The following CDON variants were observed in gnomAD, a reference collection of about 807,000 sequenced individuals.
CDON encodes cell adhesion associated, oncogene regulated.
In CDON, 73 loss-of-function variants were observed where a neutral mutation model predicts 120.9. That is an observed-to-expected ratio of 0.60 (90% confidence interval 0.50 to 0.73). The LOEUF (loss-of-function observed/expected upper bound fraction) is 0.73. Among genes scored for constraint, CDON ranks in the 30% least tolerant of loss-of-function variants. CDON has a pLI of 0.00. For missense variants in CDON, 1,470 were observed against 1,587.3 expected, an observed-to-expected ratio of 0.93 and a Z score of 1.26; for synonymous variants, 566 against 573.5, an observed-to-expected ratio of 0.99 and a Z score of 0.19.
chr11:125,994,026 C>A (rs1166788785), intron 14 of CDON, among the ~76,000 whole-genome samples: 1 of 152,086 alleles, frequency 6.6e-6, no homozygotes, highest in African/African-American at 2.4e-5. Context: ...AAACAGAAAT[C>A]AAAATTTTCT....
chr11:126,048,687 T>C (rs1471302826), intron 1 of CDON, among the ~76,000 whole-genome samples: 1 of 150,748 alleles, frequency 6.6e-6, no homozygotes, highest in Non-Finnish European at 1.5e-5. Context: ...TTCTCTAAAA[T>C]TTCAACAATT....
intron 7 of CDON, chr11:126,014,687 C>T (rs1373364750): frequency 6.5e-6 from 1 of 153,034 alleles, no homozygotes; most frequent in Admixed American, 6.5e-5. Context: ...CAAATTGTTA[C>T]AACTACACAA....
At chr11:126,055,581 A>C (rs928855632) in intron 1 of CDON, among the ~76,000 whole-genome samples, 4 of 152,228 alleles carry the variant, frequency 2.6e-5, no homozygotes, top group African/African-American at 9.6e-5. Context: ...CGTCTCTGAT[A>C]CCGGCCTTTC....
In CDON at chr11:125,983,998, T is replaced by C. The variant is rs146728346; in HGVS notation, c.2869A>G (p.Ser957Gly). 1 of 1,614,012 alleles carries C rather than the reference T, an allele frequency of 6.2e-7. No homozygotes were observed. Among genetic ancestry groups the C allele is most frequent in the African/African-American group, 1.3e-5 (1 of 74,932 alleles). Residue 957 changes from serine (S) to glycine (G), a missense_variant, in exon 16 of 20, where the codon AGC becomes GGC. Physicochemically the swap from Ser to Gly is moderately conservative, Grantham distance 56. Coordinates refer to ENST00000531738, the MANE Select transcript of CDON (RefSeq NM_001378964.1). Reference protein sequence around the residue: ...GSGGNVGPATSPARSSDMLYL... With the variant: ...GSGGNVGPATGPARSSDMLYL... ...AACATGTCACTGCTTCTGGCAGGGC[T>C]GGTTGCAGGCCCCACATTTCCTCCA...
intron 16 of CDON, among the ~76,000 whole-genome samples, chr11:125,981,782 G>GA (rs535059068): frequency 2.6e-5 from 4 of 151,836 alleles, no homozygotes; most frequent in Admixed American, 2.0e-4. Flanking sequence ...TCTAAGTGCT[G>GA]AAAAAAACTG....
At chr11:126,041,933 G>A (rs1565549996) in intron 1 of CDON, among the ~76,000 whole-genome samples, 1 of 152,162 alleles carries the variant, frequency 6.6e-6, no homozygotes, top group Non-Finnish European at 1.5e-5. Flanking sequence ...TGCCCAGGCT[G>A]GAGTGCAATG....
chr11:126,021,088 A>C (rs1391499955), intron 3 of CDON, among the ~76,000 whole-genome samples, 160 bp downstream of exon 3: 1 of 152,208 alleles, frequency 6.6e-6, no homozygotes, highest in African/African-American at 2.4e-5. Context: ...CAGAGGTCTA[A>C]GTGCACTTCC....
chr11:125,981,366 ACACACACGCACGCACACATGCACATACG>A (rs1565501199), intron 16 of CDON, 37 bp from the exon 17 acceptor site: 2 of 1,573,964 alleles, frequency 1.3e-6, no homozygotes, highest in East Asian at 4.5e-5. Context: ...ACACGCACAC[ACACACACGCACGCACACATGCACATACG>A]CACACACGCA....
At chr11:125,994,534 G>C (rs1946723904) in intron 13 of CDON, 145 bp from the exon 14 acceptor site, 1 of 662,664 alleles carries the variant, frequency 1.5e-6, no homozygotes, top group African/African-American at 1.8e-5. Flanking sequence ...TTACTTCAAA[G>C]GTATTAAAAG....
chr11:125,972,699 G>T (rs903394525), intron 18 of CDON, among the ~76,000 whole-genome samples: 2 of 152,120 alleles, frequency 1.3e-5, no homozygotes, highest in Admixed American at 1.3e-4. Context: ...TTTCTTAAAA[G>T]CTCACTCCAA....
Position 125,981,348 on chromosome 11 carries a change from AAAG to A in CDON, c.2996-22_2996-20del. On this transcript the variant is annotated intron_variant, in intron 16 of 19. Coordinates refer to ENST00000531738, the MANE Select transcript of CDON (RefSeq NM_001378964.1). The stretch of plus-strand genomic sequence containing the variant: ...TCATATTCTGTTAAAAGAGAACAAA[AAAG>A]ACACACACGCACACACACACACGCA... 6.2e-7 allele frequency: 1 copy of A among 1,607,200 alleles called. No individual in the cohort carries two copies. Among genetic ancestry groups the A allele is most frequent in the Non-Finnish European group, 8.5e-7 (1 of 1,179,554 alleles).
Position 125,998,403 on chromosome 11 carries a change from G to A in CDON, c.2159-993C>T, listed in dbSNP as rs573436499. On this transcript the variant is annotated intron_variant, in intron 11 of 19. Coordinates refer to ENST00000531738, the MANE Select transcript of CDON (RefSeq NM_001378964.1). Reference sequence around the variant, plus strand: ...AAGTTCTCGCTCTGTTGATTCACACGAGAGCTGGTGATTTAAAAGCATGTG... The same window carrying A: ...AAGTTCTCGCTCTGTTGATTCACACAAGAGCTGGTGATTTAAAAGCATGTG... Among the ~76,000 whole-genome samples the A allele has an allele frequency of 3.9e-5, 6 of 152,068 alleles. No homozygotes were observed. In the South Asian group the frequency reaches 1.0e-3, roughly 26 times the overall value.
intron 1 of CDON, among the ~76,000 whole-genome samples, chr11:126,053,059 C>T (rs1948604946): frequency 6.6e-6 from 1 of 152,076 alleles, no homozygotes; most frequent in Non-Finnish European, 1.5e-5. Context: ...ACTGTATTCA[C>T]AATTAGGTTT....
chr11:126,032,644 G>C (rs769603063), intron 1 of CDON, among the ~76,000 whole-genome samples: 3 of 152,174 alleles, frequency 2.0e-5, no homozygotes, highest in Non-Finnish European at 4.4e-5. Flanking sequence ...ACGGGGACCT[G>C]TACTGGAGAA....
chr11:125,980,993 T>C (rs1591560623), intron 17 of CDON, 56 bp downstream of exon 17: 1 of 1,564,612 alleles, frequency 6.4e-7, no homozygotes, highest in East Asian at 2.2e-5. Context: ...GTCCCTGTTC[T>C]AGTACTTGGC....
intron 15 of CDON, among the ~76,000 whole-genome samples, chr11:125,987,888 T>C (rs763826354): frequency 1.5e-4 from 23 of 152,218 alleles, no homozygotes; most frequent in Non-Finnish European, 2.6e-4. Context: ...GATGTGAGTA[T>C]TGCAGCAGAA....
At chr11:126,029,116 A>G (rs988155496) in intron 1 of CDON, among the ~76,000 whole-genome samples, 1 of 152,208 alleles carries the variant, frequency 6.6e-6, no homozygotes, top group Admixed American at 6.5e-5. Flanking sequence ...ACACTGTGGT[A>G]AGCAAAGTGT....
intron 18 of CDON, among the ~76,000 whole-genome samples, chr11:125,971,210 C>T (rs1294430005): frequency 2.0e-5 from 3 of 151,942 alleles, no homozygotes; most frequent in Non-Finnish European, 4.4e-5. Context: ...AGTGAAACCC[C>T]ATCTCTACTA....
chr11:126,048,862 CCTGG>C (rs1948477898), intron 1 of CDON, among the ~76,000 whole-genome samples: 2 of 152,162 alleles, frequency 1.3e-5, no homozygotes, highest in African/African-American at 4.8e-5. Flanking sequence ...CGCCACCACA[CCTGG>C]CTAATTTTGT....
Sources: gnomAD v4.1 joint callset for allele counts (sites outside exome capture counted in the v4.1 genomes callset) on GRCh38, gnomAD v4.1.1 for gene constraint, MANE v1.5 for transcripts, NCBI Gene and HGNC (gene_info 2026-07-23, HGNC 2026-07-21) for gene names.